SERPINA9: variants seen among roughly 807,000 people sequenced by gnomAD.
SERPINA9 encodes the protein serpin A9.
A neutral mutation model predicts 24.5 loss-of-function variants in SERPINA9; 32 were observed. That is an observed-to-expected ratio of 1.30 (90% confidence interval 0.98 to 1.75). The LOEUF is 1.75. Ranked by LOEUF, SERPINA9 falls within the 40% of genes most tolerant of loss-of-function variation. SERPINA9 has a pLI of 0.00. For synonymous variants in SERPINA9, 233 were observed against 197.7 expected (o/e 1.18, Z -1.50); for missense variants, 594 against 497.1 (o/e 1.19, Z -1.85).
At chr14:94,464,581 G>C (rs1451485051) in intron 4 of SERPINA9, 126 bp downstream of exon 4, 3 of 765,790 alleles carry the variant, frequency 3.9e-6, no homozygotes, top group Non-Finnish European at 6.3e-6. Context: ...CGGTTCTTCT[G>C]GCCGCAGAAG....
In SERPINA9 at chr14:94,469,802, G is replaced by C. The variant is rs752335618; in HGVS notation, c.39C>G (p.Gly13=). ...ACACACAGTAGATTGGAGCACAGAG[G>C]CCAACAGCAAAGAGTACTCCATAAA... ...SYLYGVLFAV[G]LCAPIYCVSP... The change falls in exon 2 of 5, where the codon GGC becomes GGG. Residue 13 remains glycine, a synonymous_variant. Transcript: ENST00000674397. 1 of 1,524,640 alleles carries C rather than the reference G, an allele frequency of 6.6e-7. No homozygotes were observed. Among genetic ancestry groups the C allele is most frequent in the Admixed American group, 2.2e-5 (1 of 45,496 alleles). 94.4% of individuals were successfully genotyped at this position (1,524,640 alleles called of 1,614,324 possible).
At chr14:94,463,896 C>T (rs1371195297) in intron 4 of SERPINA9, among the ~76,000 whole-genome samples, 2 of 152,152 alleles carry the variant, frequency 1.3e-5, no homozygotes, top group Non-Finnish European at 2.9e-5. Context: ...TTATGTTCAT[C>T]ATATTCCAGT....
At position 94,470,622 on chromosome 14, in the gene SERPINA9, T is replaced by C. The variant is rs558277081; in HGVS notation, c.-17-765A>G. 4.6e-5 allele frequency among the ~76,000 whole-genome samples: 7 copies of C among 152,384 alleles called. No homozygotes were observed. The East Asian group carries it at 1.3e-3, about 29-fold the overall frequency. ...GACAAGTAACCTCTCTGGACTTCTC[T>C]GTTTTGCCTTTGTAAAACAGAGATA... On this transcript the variant is annotated intron_variant, in intron 1 of 4. Coordinates refer to ENST00000674397, the MANE Select transcript of SERPINA9 (RefSeq NM_175739.4).
intron 4 of SERPINA9, chr14:94,464,252 A>G (rs964183661): frequency 5.8e-6 from 1 of 171,420 alleles, no homozygotes; most frequent in Admixed American, 6.3e-5. Context: ...TAGATCTAAT[A>G]TACTATGCTT....
chr14:94,467,131 A>G lies in SERPINA9; in HGVS notation c.880T>C (p.Trp294Arg). ...CACCTTTTCTGGAGTGAGTGGCTCC[A>G]CTTTCTCAGTGTTCTGGCTGACAAG... The part of the protein sequence containing the change: ...QALSARTLRK[W>R]SHSLQKRWIE... Residue 294 changes from tryptophan (W) to arginine (R), a missense_variant, in exon 3 of 5, where the codon TGG (tryptophan) becomes CGG (arginine). Trp to Arg is a moderately radical substitution (Grantham distance 101). Transcript: ENST00000674397. The G allele has an allele frequency of 6.2e-7, 1 of 1,614,060 alleles. No homozygotes were observed. Among genetic ancestry groups the G allele is most frequent in the Non-Finnish European group, 8.5e-7 (1 of 1,179,982 alleles).
In SERPINA9 at chr14:94,469,505, C is replaced by G; in HGVS notation, c.336G>C (p.Gln112His). Residue 112 changes from glutamine to histidine, a missense_variant, in exon 2 of 5, where the codon CAG (glutamine) becomes CAC (histidine). Transcript: ENST00000674397. ...LTHTPESAIH[Q>H]GFQHLVHSLT... Reference sequence around the variant, plus strand: ...GTGAGTGAACCAGGTGCTGGAAGCCCTGGTGGATGGCAGACTCTGGTGTGT... The same window carrying G: ...GTGAGTGAACCAGGTGCTGGAAGCCGTGGTGGATGGCAGACTCTGGTGTGT... The G allele has an allele frequency of 1.2e-6, 2 of 1,614,180 alleles. No individual in the cohort carries two copies. Among genetic ancestry groups the G allele is most frequent in the South Asian group, 1.1e-5 (1 of 91,070 alleles).
chr14:94,465,366 A>G (rs1226433662), intron 3 of SERPINA9, among the ~76,000 whole-genome samples: 1 of 152,226 alleles, frequency 6.6e-6, no homozygotes, highest in Non-Finnish European at 1.5e-5. Flanking sequence ...TGCAAATGAG[A>G]AACTAAAATG....
chr14:94,467,439 A>G, intron 2 of SERPINA9, 57 bp from the exon 3 acceptor site: 1 of 1,472,694 alleles, frequency 6.8e-7, no homozygotes. Flanking sequence ...TGAGGCAAAG[A>G]CAGCAAACTG....
chr14:94,467,161 G>A lies in SERPINA9; in HGVS notation c.850C>T (p.Gln284Ter). The A allele has an allele frequency of 6.2e-7, 1 of 1,614,218 alleles. No homozygotes were observed. The highest frequency in any genetic ancestry group is 8.5e-7 in the Non-Finnish European group (1 of 1,180,024). ...CTCAGTGTTCTGGCTGACAAGGCCT[G>A]TTCCAGTTGCCTCATCTTGCCCTTG... ...PSKGKMRQLEQALSARTLRKW... is the reference protein window; with the variant it reads ...PSKGKMRQLE The change falls in exon 3 of 5, where the codon CAG (glutamine) becomes TAG (stop). Residue 284 changes from glutamine (Q) to a stop codon, truncating the protein, a stop_gained. Coordinates refer to ENST00000674397, the MANE Select transcript of SERPINA9 (RefSeq NM_175739.4). LOFTEE classifies it high-confidence loss of function.
Position 94,469,435 on chromosome 14 carries a change from G to C in SERPINA9, c.406C>G (p.Leu136Val), listed in dbSNP as rs746825992. ...KDLTLKMGSALFVKKELQLQA... is the reference protein window; with the variant it reads ...KDLTLKMGSAVFVKKELQLQA... ...AGCTGCAGCTCCTTCTTGACGAAGAGGGCACTTCCCATCTTCAAGGTCAGG... is the reference window on the plus strand; with the variant it reads ...AGCTGCAGCTCCTTCTTGACGAAGACGGCACTTCCCATCTTCAAGGTCAGG... Residue 136 changes from leucine (L) to valine (V), a missense_variant, in exon 2 of 5, where the codon CTC (leucine) becomes GTC (valine). By Grantham distance (32) the Leu-to-Val change is conservative. Transcript: ENST00000674397. 6.2e-7 allele frequency: 1 copy of C among 1,614,140 alleles called. No homozygotes were observed. The highest frequency in any genetic ancestry group is 8.5e-7 in the Non-Finnish European group (1 of 1,180,036).
Position 94,464,720 on chromosome 14 carries a change from A to G in SERPINA9, c.1037T>C (p.Leu346Pro), listed in dbSNP as rs777925704. The change falls in exon 4 of 5, where the codon CTG becomes CCG. Residue 346 changes from leucine (L) to proline (P), a missense_variant. Leu to Pro is a moderately conservative substitution (Grantham distance 98). Transcript: ENST00000674397. ...CATTCAACTCACTTTAGAAACCTGCAGGGAGTCTCTCTTTGCAATTCCAGA... is the reference window on the plus strand; with the variant it reads ...CATTCAACTCACTTTAGAAACCTGCGGGGAGTCTCTCTTTGCAATTCCAGA... ...DFSGIAKRDS[L>P]QVSKATHKAV... 3.7e-6 allele frequency: 6 copies of G among 1,613,334 alleles called. No homozygotes were observed. The highest frequency in any genetic ancestry group is 5.1e-6 in the Non-Finnish European group (6 of 1,179,548).
chr14:94,476,000 A>G lies in SERPINA9; in HGVS notation c.-18+136T>C, dbSNP rs538431218. 13 of 1,369,142 alleles carry G rather than the reference A, an allele frequency of 9.5e-6. No homozygotes were observed. The African/African-American group carries it at 1.7e-4, about 18-fold the overall frequency. 84.8% of individuals were successfully genotyped at this position (1,369,142 alleles called of 1,614,324 possible). A position where few individuals can be genotyped will look rare whatever the true frequency, so the allele number is the denominator to read the frequency against. ...TGTGACCCAGATGCTACTAAAAGCC[A>G]ACTAATGTGTCTAGGTTCTCATCTT... On this transcript the variant is annotated intron_variant, in intron 1 of 4. Coordinates refer to ENST00000674397, the MANE Select transcript of SERPINA9 (RefSeq NM_175739.4).
Position 94,469,396 on chromosome 14 carries a change from A to T in SERPINA9, c.445T>A (p.Leu149Met), listed in dbSNP as rs751912997. Residue 149 changes from leucine (L) to methionine (M), a missense_variant, in exon 2 of 5, where the codon TTG (leucine) becomes ATG (methionine). By Grantham distance (15) the Leu-to-Met change is conservative (BLOSUM62 2). Transcript: ENST00000674397. ...KKELQLQANF[L>M]GNVKRLYEAE... is the part of the protein sequence containing the mutation. ...TCATACAGCCTCTTGACATTGCCCA[A>T]GAAATTTGCCTGCAGCTGCAGCTCC... 1.4e-5 allele frequency: 23 copies of T among 1,614,144 alleles called. No individual in the cohort carries two copies. In the Middle Eastern group the frequency reaches 6.6e-4, roughly 46 times the overall value.
intron 1 of SERPINA9, among the ~76,000 whole-genome samples, chr14:94,474,922 T>C (rs958422940): frequency 6.6e-6 from 1 of 151,972 alleles, no homozygotes; most frequent in African/African-American, 2.4e-5. Context: ...CCTCAATGGC[T>C]CCCCATTGAG....
At chr14:94,473,114 C>T (rs967814011) in intron 1 of SERPINA9, among the ~76,000 whole-genome samples, 4 of 152,200 alleles carry the variant, frequency 2.6e-5, no homozygotes, top group African/African-American at 9.6e-5. Flanking sequence ...GCTCTACACA[C>T]CTGCTTCCTG....
intron 1 of SERPINA9, chr14:94,475,907 G>T: frequency 3.5e-6 from 2 of 576,906 alleles, no homozygotes; most frequent in Admixed American, 3.3e-5. Flanking sequence ...GTGTATTCAT[G>T]GTCTCTGTGG....
intron 3 of SERPINA9, among the ~76,000 whole-genome samples, chr14:94,466,275 C>A (rs746764504): frequency 5.9e-5 from 9 of 152,184 alleles, no homozygotes; most frequent in Non-Finnish European, 1.2e-4. Context: ...TCATATGCTA[C>A]CCACATGTGC....
chr14:94,463,974 A>G (rs1019490065), intron 4 of SERPINA9, among the ~76,000 whole-genome samples: 1 of 152,226 alleles, frequency 6.6e-6, no homozygotes, highest in Non-Finnish European at 1.5e-5. Flanking sequence ...GATCACTTCT[A>G]TTATAATCCA....
Position 94,467,342 on chromosome 14 carries a change from C to T in SERPINA9, c.669G>A (p.Lys223=), listed in dbSNP as rs149130980. 1.2e-4 allele frequency: 191 copies of T among 1,613,810 alleles called. 2 individuals carry two copies. In the East Asian group the frequency reaches 3.9e-3, roughly 33 times the overall value. ...GCTCGCCCACCAGGAATGGGAAGTT[C>T]TTTCTTGTATATTCAGGGTGAAAGG... ...EKPFHPEYTR[K]NFPFLVGEQV... is the part of the protein sequence containing the mutation. Residue 223 remains lysine, a synonymous_variant, in exon 3 of 5, where the codon AAG becomes AAA. Transcript: ENST00000674397.
Sources: allele counts gnomAD v4.1 joint callset (sites outside exome capture counted in the v4.1 genomes callset), GRCh38; gene constraint gnomAD v4.1.1; transcripts MANE v1.5; gene names NCBI Gene and HGNC (gene_info 2026-07-23, HGNC 2026-07-21).